MSRA: variants seen among roughly 807,000 people sequenced by gnomAD.
MSRA encodes mitochondrial peptide methionine sulfoxide reductase.
A neutral mutation model predicts 31.3 loss-of-function variants in MSRA; 54 were observed. The observed-to-expected ratio is 1.73, with a 90% confidence interval of 1.39 to 2.17. The LOEUF (loss-of-function observed/expected upper bound fraction) is 2.17. Ranked by LOEUF, MSRA falls within the 30% of genes most tolerant of loss-of-function variation. MSRA has a pLI of 0.00. For synonymous variants in MSRA, 169 were observed against 116.5 expected (o/e 1.45, Z -2.90); for missense variants, 507 against 300.9 (o/e 1.69, Z -5.07).
At chr8:10,118,443 A>T (rs1166181021) in intron 1 of MSRA, among the ~76,000 whole-genome samples, 1 of 151,680 alleles carries the variant, frequency 6.6e-6, no homozygotes, top group Non-Finnish European at 1.5e-5. Flanking sequence ...CTGCTTTATA[A>T]CCTCCCTGAG....
intron 1 of MSRA, chr8:10,096,009 A>C: frequency 2.8e-6 from 4 of 1,446,776 alleles, no homozygotes; most frequent in Non-Finnish European, 3.7e-6. Context: ...TTTCAAATCA[A>C]ATCAGAAAGA....
At chr8:10,223,024 C>T (rs1810667745) in intron 2 of MSRA, among the ~76,000 whole-genome samples, 1 of 152,164 alleles carries the variant, frequency 6.6e-6, no homozygotes, top group African/African-American at 2.4e-5. Flanking sequence ...GCATAATTTA[C>T]TTATTCCACA....
At chr8:10,126,506 TTTTC>T (rs980848146) in intron 1 of MSRA, among the ~76,000 whole-genome samples, 13 of 152,038 alleles carry the variant, frequency 8.6e-5, no homozygotes, top group East Asian at 5.8e-4. Flanking sequence ...ATTAGTTAGA[TTTTC>T]TTTCTTTCTT....
chr8:10,313,223 A>G (rs1457682723), intron 4 of MSRA, among the ~76,000 whole-genome samples: 1 of 152,188 alleles, frequency 6.6e-6, no homozygotes, highest in East Asian at 1.9e-4. Context: ...CTCTCTCTAT[A>G]TTCAGTCTGC....
chr8:10,197,422 A>G (rs564338760), intron 1 of MSRA, among the ~76,000 whole-genome samples: 85 of 152,216 alleles, frequency 5.6e-4, no homozygotes, highest in African/African-American at 2.0e-3. Context: ...ATGCTTGGAG[A>G]GCTGCAGGCA....
intron 2 of MSRA, among the ~76,000 whole-genome samples, chr8:10,239,133 A>C (rs1413024633): frequency 1.3e-5 from 2 of 152,162 alleles, no homozygotes; most frequent in Non-Finnish European, 2.9e-5. Context: ...AGAGATGCTC[A>C]ACCTCAGTGG....
intron 1 of MSRA, among the ~76,000 whole-genome samples, chr8:10,122,865 G>A (rs932486173): frequency 6.6e-6 from 1 of 152,172 alleles, no homozygotes; most frequent in African/African-American, 2.4e-5. Context: ...AAGACATGAT[G>A]TCGTTCTTTT....
At chr8:10,081,913 A>T (rs1333844892) in intron 1 of MSRA, among the ~76,000 whole-genome samples, 1 of 152,124 alleles carries the variant, frequency 6.6e-6, no homozygotes, top group East Asian at 1.9e-4. Flanking sequence ...TTTTCTATCA[A>T]AACCTCATCC....
chr8:10,240,187 G>T (rs1174030246), intron 2 of MSRA, among the ~76,000 whole-genome samples: 1 of 152,182 alleles, frequency 6.6e-6, no homozygotes, highest in Non-Finnish European at 1.5e-5. Context: ...CAGCATGGAA[G>T]GGGCCCGGTG....
At chr8:10,334,165 GGTGTGTGTGTGTGTGTGTATTTATGT>G (rs1196737293) in intron 5 of MSRA, among the ~76,000 whole-genome samples, 66 of 143,548 alleles carry the variant, frequency 4.6e-4, no homozygotes, top group South Asian at 1.2e-3. Context: ...AACATATAGG[GGTGTGTGTGTGTGTGTGTATTTATGT>G]GTGTGTGTGT....
intron 5 of MSRA, among the ~76,000 whole-genome samples, chr8:10,379,407 CTT>C (rs1157138368): frequency 6.6e-6 from 1 of 152,242 alleles, no homozygotes; most frequent in Non-Finnish European, 1.5e-5. Context: ...GAACCCGAGT[CTT>C]TTCTCATTTC....
chr8:10,099,849 C>G (rs141035970), intron 1 of MSRA, among the ~76,000 whole-genome samples: 5 of 152,320 alleles, frequency 3.3e-5, no homozygotes, highest in African/African-American at 1.2e-4. Context: ...CCTCTGTTGT[C>G]TTGCATTCCC....
intron 1 of MSRA, among the ~76,000 whole-genome samples, chr8:10,167,558 C>G (rs906287593): frequency 6.6e-6 from 1 of 152,082 alleles, no homozygotes; most frequent in Non-Finnish European, 1.5e-5. Context: ...ATAACAATCA[C>G]GCCAGCCAGG....
intron 1 of MSRA, among the ~76,000 whole-genome samples, chr8:10,156,699 A>G (rs544107062): frequency 3.9e-5 from 6 of 152,186 alleles, no homozygotes; most frequent in African/African-American, 1.4e-4. Flanking sequence ...CCCCTACCAG[A>G]GAAATGTGAA....
intron 1 of MSRA, among the ~76,000 whole-genome samples, chr8:10,065,696 G>C (rs958491878): frequency 2.0e-5 from 3 of 152,234 alleles, no homozygotes; most frequent in South Asian, 2.1e-4. Context: ...TTATGAAAGA[G>C]CTGAAGTCTG....
At chr8:10,087,597 G>C (rs2128925736) in intron 1 of MSRA, among the ~76,000 whole-genome samples, 1 of 152,340 alleles carries the variant, frequency 6.6e-6, no homozygotes, top group South Asian at 2.1e-4. Flanking sequence ...TAACTCATTT[G>C]TCTTCCATTT....
At chr8:10,205,298 A>C (rs1271768486) in intron 1 of MSRA, among the ~76,000 whole-genome samples, 4 of 152,110 alleles carry the variant, frequency 2.6e-5, no homozygotes, top group African/African-American at 4.8e-5. Flanking sequence ...TCGGTAATGA[A>C]AAAAAGAAGT....
intron 5 of MSRA, among the ~76,000 whole-genome samples, chr8:10,390,610 G>T (rs983546442): frequency 4.0e-4 from 61 of 152,160 alleles, no homozygotes; most frequent in Admixed American, 3.0e-3. Flanking sequence ...TTTTTTCGAG[G>T]TTTATCAAGG....
At chr8:10,224,136 G>C (rs1489778719) in intron 2 of MSRA, among the ~76,000 whole-genome samples, 1 of 152,198 alleles carries the variant, frequency 6.6e-6, no homozygotes, top group African/African-American at 2.4e-5. Flanking sequence ...GCACATCATA[G>C]CTAGGCCCTT....
Sources: gnomAD v4.1 joint callset for allele counts (sites outside exome capture counted in the v4.1 genomes callset) on GRCh38, gnomAD v4.1.1 for gene constraint, MANE v1.5 for transcripts, NCBI Gene and HGNC (gene_info 2026-07-23, HGNC 2026-07-21) for gene names.